Variants in TXNRD1 observed in about 807,000 individuals in gnomAD.
TXNRD1 encodes the protein thioredoxin reductase 1, cytoplasmic.
Under a neutral mutation model 80.3 loss-of-function variants are expected in TXNRD1, and 57 were observed. That is an observed-to-expected ratio of 0.71 (90% CI 0.57 to 0.89). The LOEUF is 0.89. Among genes scored for constraint, TXNRD1 ranks in the 40% least tolerant of loss-of-function variants. TXNRD1 has a pLI of 0.00. For synonymous variants in TXNRD1, 291 were observed against 285.2 expected (o/e 1.02, Z -0.20); for missense variants, 730 against 803.0 (o/e 0.91, Z 1.10).
chr12:104,261,316 A>G (rs578111424), intron 3 of TXNRD1, among the ~76,000 whole-genome samples: 1 of 152,100 alleles, frequency 6.6e-6, no homozygotes, highest in Non-Finnish European at 1.5e-5. Flanking sequence ...GGCATGCGCC[A>G]CCACGGCCAA....
At chr12:104,308,714 G>T (rs2035021490) in intron 4 of TXNRD1, among the ~76,000 whole-genome samples, 2 of 152,174 alleles carry the variant, frequency 1.3e-5, no homozygotes, top group Non-Finnish European at 2.9e-5. Flanking sequence ...AGCAGTTGTA[G>T]TTGGAGGAGG....
rs753683360 is a variant in TXNRD1 at position 104,331,624 on chromosome 12, G to C, written c.1633G>C (p.Gly545Arg). 2 of 1,611,154 alleles carry C rather than the reference G, an allele frequency of 1.2e-6. No homozygotes were observed. The highest frequency in any genetic ancestry group is 1.7e-6 in the Non-Finnish European group (2 of 1,178,152). ...TGAGGAGAAAGCTGTGGAGAAGTTT[G>C]GGGAAGAAAATATTGAGGTAAGTTC... ...LSEEKAVEKF[G>R]EENIEVYHSY... Residue 545 changes from glycine to arginine, a missense_variant, in exon 14 of 17, where the codon GGG becomes CGG. By Grantham distance (125) the Gly-to-Arg change is moderately radical. Coordinates refer to ENST00000525566, the MANE Select transcript of TXNRD1 (RefSeq NM_001093771.3).
At chr12:104,264,426 G>A (rs2033431848) in intron 3 of TXNRD1, among the ~76,000 whole-genome samples, 1 of 152,228 alleles carries the variant, frequency 6.6e-6, no homozygotes, top group African/African-American at 2.4e-5. Flanking sequence ...TTCTCCCATA[G>A]CGAATGAGGA....
intron 4 of TXNRD1, among the ~76,000 whole-genome samples, chr12:104,307,146 A>T (rs1342684286): frequency 6.6e-6 from 1 of 152,186 alleles, no homozygotes; most frequent in Admixed American, 6.5e-5. Flanking sequence ...CATTTTTGAA[A>T]TTTTGAAATT....
At chr12:104,225,439 G>A (rs1039189402) in intron 1 of TXNRD1, among the ~76,000 whole-genome samples, 41 of 152,286 alleles carry the variant, frequency 2.7e-4, no homozygotes, top group African/African-American at 9.4e-4. Flanking sequence ...GTTTAGCTCT[G>A]TGTCCCCACC....
chr12:104,287,167 CG>C (rs200695049), intron 3 of TXNRD1: 1 of 1,566,782 alleles, frequency 6.4e-7, no homozygotes, highest in African/African-American at 1.4e-5. Flanking sequence ...TGGGAGCACG[CG>C]GGGGACGGCC....
intron 1 of TXNRD1, among the ~76,000 whole-genome samples, chr12:104,231,159 C>T (rs1291998177): frequency 1.3e-5 from 2 of 152,184 alleles, no homozygotes; most frequent in African/African-American, 4.8e-5. Flanking sequence ...ACCCCTTTTC[C>T]TGTCTCTCTG....
At chr12:104,269,403 T>C (rs112304107) in intron 3 of TXNRD1, among the ~76,000 whole-genome samples, 28 of 110,690 alleles carry the variant, frequency 2.5e-4, no homozygotes, top group South Asian at 5.7e-4. Flanking sequence ...TTCTTTCTTT[T>C]TTTTTTTTTT....
At chr12:104,302,828 G>A (rs973604048) in intron 4 of TXNRD1, among the ~76,000 whole-genome samples, 1 of 152,182 alleles carries the variant, frequency 6.6e-6, no homozygotes, top group Non-Finnish European at 1.5e-5. Context: ...TGCTGCTGGT[G>A]AGACAGATAA....
intron 16 of TXNRD1, among the ~76,000 whole-genome samples, chr12:104,341,076 A>G (rs1370236315): frequency 6.6e-6 from 1 of 152,304 alleles, no homozygotes; most frequent in African/African-American, 2.4e-5. Context: ...ACATGGCAGC[A>G]TCTGGCAGGG....
chr12:104,281,386 C>T (rs897780072), intron 3 of TXNRD1, among the ~76,000 whole-genome samples: 3 of 148,520 alleles, frequency 2.0e-5, no homozygotes, highest in Non-Finnish European at 3.0e-5. Context: ...GTCTGTATAT[C>T]TCCATATCTC....
chr12:104,312,441 G>A (rs1478825796), intron 5 of TXNRD1, among the ~76,000 whole-genome samples: 1 of 152,170 alleles, frequency 6.6e-6, no homozygotes, highest in Non-Finnish European at 1.5e-5. Flanking sequence ...TCAGTAATGG[G>A]TAGAAGCTGC....
intron 3 of TXNRD1, among the ~76,000 whole-genome samples, chr12:104,274,896 C>A (rs1454595333): frequency 6.6e-6 from 1 of 151,956 alleles, no homozygotes; most frequent in African/African-American, 2.4e-5. Context: ...TCTTGAGGTA[C>A]TTCTGGTCAG....
intron 1 of TXNRD1, among the ~76,000 whole-genome samples, chr12:104,238,602 G>A (rs2032789470): frequency 2.6e-5 from 4 of 152,154 alleles, no homozygotes; most frequent in Admixed American, 2.6e-4. Context: ...ATGAAAGGGT[G>A]TTAGACTCTG....
intron 3 of TXNRD1, among the ~76,000 whole-genome samples, chr12:104,282,350 A>G (rs2135736258): frequency 6.6e-6 from 1 of 152,314 alleles, no homozygotes; most frequent in South Asian, 2.1e-4. Flanking sequence ...ACATTCTTGG[A>G]GCAATGTTTT....
At chr12:104,221,789 A>G (rs762779448) in intron 1 of TXNRD1, among the ~76,000 whole-genome samples, 15 of 152,210 alleles carry the variant, frequency 9.9e-5, no homozygotes, top group Non-Finnish European at 1.5e-4. Context: ...TGAGCTGGGC[A>G]GGTGGTGGGA....
chr12:104,229,562 CATTTTATTTTATTTTATTTT>C (rs201478909), intron 1 of TXNRD1, among the ~76,000 whole-genome samples: 3 of 141,910 alleles, frequency 2.1e-5, no homozygotes, highest in African/African-American at 5.7e-5. Flanking sequence ...GAATATACAA[CATTTTATTTTATTTTATTTT>C]ATTTTATTTT....
intron 1 of TXNRD1, among the ~76,000 whole-genome samples, chr12:104,247,486 A>T (rs997162729): frequency 3.3e-5 from 5 of 152,228 alleles, no homozygotes; most frequent in Non-Finnish European, 7.3e-5. Context: ...AGGGGGAAAA[A>T]TAAGCAAATG....
At chr12:104,249,095 C>G (rs147724825) in intron 1 of TXNRD1, among the ~76,000 whole-genome samples, 1 of 152,328 alleles carries the variant, frequency 6.6e-6, no homozygotes, top group African/African-American at 2.4e-5. Context: ...AACTAGGAGG[C>G]TTATCAACAA....
Sources: allele counts gnomAD v4.1 joint callset (sites outside exome capture counted in the v4.1 genomes callset), GRCh38; gene constraint gnomAD v4.1.1; transcripts MANE v1.5; gene names NCBI Gene and HGNC (gene_info 2026-07-23, HGNC 2026-07-21).